Variants in WWOX observed in about 807,000 individuals in gnomAD.
WWOX encodes the protein WW domain containing oxidoreductase.
WWOX carries 69 observed loss-of-function variants against 46.2 expected under a neutral mutation model. The ratio of observed to expected loss-of-function variants is 1.49; its 90% CI spans 1.23 to 1.82. The LOEUF (loss-of-function observed/expected upper bound fraction) is 1.82. WWOX is among the 40% of genes most tolerant of loss of function. The pLI is 0.00. For synonymous variants in WWOX, 359 were observed against 202.6 expected (o/e 1.77, Z -6.56); for missense variants, 919 against 542.6 (o/e 1.69, Z -6.89).
At chr16:78,327,298 G>T (rs1018153100) in intron 5 of WWOX, among the ~76,000 whole-genome samples, 6 of 152,156 alleles carry the variant, frequency 3.9e-5, no homozygotes, top group African/African-American at 1.4e-4. Context: ...CTTTGCACCA[G>T]TGTCCCTAAA....
intron 8 of WWOX, among the ~76,000 whole-genome samples, chr16:78,667,815 G>T (rs556788932): frequency 6.6e-6 from 1 of 152,030 alleles, no homozygotes; most frequent in South Asian, 2.1e-4. Context: ...GCTTGCATCT[G>T]TTTGCCTATG....
chr16:78,169,255 C>G (rs1434978642), intron 5 of WWOX, among the ~76,000 whole-genome samples: 1 of 152,172 alleles, frequency 6.6e-6, no homozygotes, highest in East Asian at 1.9e-4. Context: ...TTCCTGTTTT[C>G]AAGATGCAGT....
chr16:79,033,854 T>G (rs2047814325), intron 8 of WWOX, among the ~76,000 whole-genome samples: 1 of 152,230 alleles, frequency 6.6e-6, no homozygotes, highest in Non-Finnish European at 1.5e-5. Flanking sequence ...TTTATGATAC[T>G]GGATTCTCAG....
chr16:78,943,574 C>T (rs574254426), intron 8 of WWOX, among the ~76,000 whole-genome samples: 31 of 152,298 alleles, frequency 2.0e-4, no homozygotes, highest in African/African-American at 7.0e-4. Flanking sequence ...CACCATTGAT[C>T]AGTCCTGGGA....
chr16:78,882,611 C>T (rs1213211608), intron 8 of WWOX, among the ~76,000 whole-genome samples: 2 of 117,934 alleles, frequency 1.7e-5, no homozygotes, highest in African/African-American at 6.7e-5. Flanking sequence ...GAGTAGCCTC[C>T]CGAGTAGCTG....
intron 8 of WWOX, among the ~76,000 whole-genome samples, chr16:78,724,187 T>C (rs1487635645): frequency 6.6e-6 from 1 of 152,218 alleles, no homozygotes; most frequent in Non-Finnish European, 1.5e-5. Flanking sequence ...CCGTCATTTA[T>C]AACCTGTAAT....
chr16:78,334,263 G>A (rs576124472), intron 5 of WWOX, among the ~76,000 whole-genome samples: 1 of 152,174 alleles, frequency 6.6e-6, no homozygotes, highest in African/African-American at 2.4e-5. Flanking sequence ...TTATTATGCT[G>A]TGAATACGGG....
chr16:79,119,206 A>G (rs2049578295), intron 8 of WWOX, among the ~76,000 whole-genome samples: 2 of 151,814 alleles, frequency 1.3e-5, no homozygotes, highest in Non-Finnish European at 1.5e-5. Context: ...AAAAAAAATC[A>G]TTACTAATAT....
intron 8 of WWOX, among the ~76,000 whole-genome samples, chr16:78,512,786 C>T (rs2085393600): frequency 6.6e-6 from 1 of 152,232 alleles, no homozygotes; most frequent in East Asian, 1.9e-4. Flanking sequence ...ATGAAGGTTA[C>T]TGTTGCATTG....
chr16:78,353,309 C>T (rs1479400942), intron 5 of WWOX, among the ~76,000 whole-genome samples: 1 of 152,086 alleles, frequency 6.6e-6, no homozygotes, highest in Non-Finnish European at 1.5e-5. Flanking sequence ...TCAAGTAAAT[C>T]GAGAGGTAAA....
chr16:78,746,535 A>G (rs2049351068), intron 8 of WWOX, among the ~76,000 whole-genome samples: 1 of 151,894 alleles, frequency 6.6e-6, no homozygotes, highest in Non-Finnish European at 1.5e-5. Context: ...CACCCTTGCC[A>G]TGGCCTCATG....
intron 8 of WWOX, among the ~76,000 whole-genome samples, chr16:78,540,012 TCTCTCTCTCA>T (rs1173169686): frequency 7.7e-6 from 1 of 129,346 alleles, no homozygotes; most frequent in African/African-American, 2.7e-5. Context: ...TCTCTCTCTC[TCTCTCTCTCA>T]CACACACACA....
chr16:78,250,403 C>G (rs1224127127), intron 5 of WWOX, among the ~76,000 whole-genome samples: 1 of 152,126 alleles, frequency 6.6e-6, no homozygotes, highest in Non-Finnish European at 1.5e-5. Flanking sequence ...GAAGGAACAA[C>G]AACGAACAAC....
intron 8 of WWOX, among the ~76,000 whole-genome samples, chr16:78,611,802 G>A (rs1315891730): frequency 6.6e-6 from 1 of 152,126 alleles, no homozygotes; most frequent in Non-Finnish European, 1.5e-5. Flanking sequence ...ACGTATTGTT[G>A]TCAAGGAAAG....
At chr16:78,820,230 A>G (rs746858350) in intron 8 of WWOX, among the ~76,000 whole-genome samples, 4 of 152,132 alleles carry the variant, frequency 2.6e-5, no homozygotes, top group Non-Finnish European at 5.9e-5. Flanking sequence ...ACAGTCATGG[A>G]CACTGCTAAG....
chr16:78,315,397 C>G (rs183640325), intron 5 of WWOX, among the ~76,000 whole-genome samples: 1 of 152,212 alleles, frequency 6.6e-6, no homozygotes, highest in African/African-American at 2.4e-5. Flanking sequence ...GCCTGTAATC[C>G]CAGCACTTGG....
chr16:79,176,935 C>A (rs574660314), intron 8 of WWOX, among the ~76,000 whole-genome samples: 13 of 152,278 alleles, frequency 8.5e-5, no homozygotes, highest in Non-Finnish European at 1.9e-4. Context: ...TGCACCCTTT[C>A]CCTCTCATCA....
chr16:78,959,577 C>G (rs903224807), intron 8 of WWOX, among the ~76,000 whole-genome samples: 3 of 152,144 alleles, frequency 2.0e-5, no homozygotes, highest in Non-Finnish European at 4.4e-5. Flanking sequence ...CCATCTACTT[C>G]TAGGTTGTGA....
intron 6 of WWOX, among the ~76,000 whole-genome samples, chr16:78,419,971 A>C (rs78653371): frequency 2.0e-5 from 3 of 152,152 alleles, no homozygotes; most frequent in Admixed American, 6.5e-5. Flanking sequence ...TGAGCATAAG[A>C]TCTAAATAGA....
Sources: allele counts gnomAD v4.1 joint callset (sites outside exome capture counted in the v4.1 genomes callset), GRCh38; gene constraint gnomAD v4.1.1; transcripts MANE v1.5; gene names NCBI Gene and HGNC (gene_info 2026-07-23, HGNC 2026-07-21).